Variants in CHPF2 observed in about 807,000 individuals in gnomAD.
CHPF2 encodes chondroitin polymerizing factor 2, also known as chondroitin polymerizing factor 2, non-catalytic subunit.
CHPF2 carries 58 observed loss-of-function variants against 63.0 expected under a neutral mutation model. The observed-to-expected ratio is 0.92, with a 90% CI of 0.75 to 1.15. The LOEUF (loss-of-function observed/expected upper bound fraction) is 1.15. Ranked by LOEUF, CHPF2 falls within the 50% of genes most tolerant of loss-of-function variation. The probability of loss-of-function intolerance (pLI) is 0.00; values close to 1 mark genes in which losing one functional copy is unlikely to be tolerated. For synonymous variants in CHPF2, 442 were observed against 438.0 expected (o/e 1.01, Z -0.11); for missense variants, 1,045 against 1,035.4 (o/e 1.01, Z -0.13).
At position 151,238,519 on chromosome 7, in the gene CHPF2, C is replaced by G; in HGVS notation, c.2157C>G (p.Ala719=). 1.2e-6 allele frequency: 2 copies of G among 1,604,848 alleles called. No individual in the cohort carries two copies. Among genetic ancestry groups the G allele is most frequent in the South Asian group, 1.1e-5 (1 of 90,058 alleles). The change falls in exon 4 of 4, where the codon GCC becomes GCG. Residue 719 remains alanine (A), a synonymous_variant. Coordinates refer to ENST00000035307, the MANE Select transcript of CHPF2 (RefSeq NM_019015.3). Reference sequence around the variant, plus strand: ...TCTCAGGGCTCCACCTCTTTCGGGCCGTAGAGCCAGGGCTGGTGCAGAAGT... The same window carrying G: ...TCTCAGGGCTCCACCTCTTTCGGGCGGTAGAGCCAGGGCTGGTGCAGAAGT... ...LRFSGLHLFR[A]VEPGLVQKFS...
At position 151,235,344 on chromosome 7, in the gene CHPF2, TGCAGGCCCCCC is replaced by T; in HGVS notation, c.563_573del (p.Gln188ProfsTer65). 1.2e-6 allele frequency: 2 copies of T among 1,613,902 alleles called. No individual in the cohort carries two copies. The highest frequency in any genetic ancestry group is 1.7e-6 in the Non-Finnish European group (2 of 1,180,030). On this transcript the variant is annotated frameshift_variant, in exon 2 of 4. Coordinates refer to ENST00000035307, the MANE Select transcript of CHPF2 (RefSeq NM_019015.3). LOFTEE classifies it high-confidence loss of function. ...TTCATCATGCAGGATGACACATATG[TGCAGGCCCCCC>T]GCCTGGCAGCCCTTGCTGGCCACCT...
rs908707532 is a variant in CHPF2, at chr7:151,234,417, G to GT, written c.263+149dup. On this transcript the variant is annotated intron_variant, in intron 1 of 3. Transcript: ENST00000035307. Reference sequence around the variant, plus strand: ...TTATTTTCCATCATGGTTTCTTTCTGTTTTTTCCCTCCTTCTCAGGTCTTA... The same window carrying GT: ...TTATTTTCCATCATGGTTTCTTTCTGTTTTTTTCCCTCCTTCTCAGGTCTTA... 92 of 560,568 alleles carry GT rather than the reference G, an allele frequency of 1.6e-4. No homozygotes were observed. In the East Asian group the frequency reaches 1.9e-3, roughly 11 times the overall value. 34.7% of individuals were successfully genotyped at this position (560,568 alleles called of 1,614,324 possible).
rs1802503948 is a variant in CHPF2 at position 151,232,684 on chromosome 7, C to T, written c.-1328C>T. 9.9e-6 allele frequency: 14 copies of T among 1,413,600 alleles called. No homozygotes were observed. In the South Asian group the frequency reaches 1.7e-4, roughly 17 times the overall value. The allele number at this position is 1,413,600 out of a possible 1,614,324, so 87.6% of individuals were successfully genotyped here. A position where few individuals can be genotyped will look rare whatever the true frequency, so the allele number is the denominator to read the frequency against. ...ACCCCGGCCGTCCTTTATCCGGTGT[C>T]CGCCGGCCCCCGGCCCTGAAACCCG... On this transcript the variant is annotated 5_prime_UTR_variant, in exon 1 of 4. Coordinates refer to ENST00000035307, the MANE Select transcript of CHPF2 (RefSeq NM_019015.3).
Position 151,235,389 on chromosome 7 carries a change from A to G in CHPF2, c.605A>G (p.Asn202Ser). 6.2e-7 allele frequency: 1 copy of G among 1,613,620 alleles called. No individual in the cohort carries two copies. The highest frequency in any genetic ancestry group is 2.2e-5 in the East Asian group (1 of 44,886). The change falls in exon 2 of 4, where the codon AAC (asparagine) becomes AGC (serine). Residue 202 changes from asparagine (N) to serine (S), a missense_variant. By Grantham distance (46) the Asn-to-Ser change is conservative (BLOSUM62 1). Coordinates refer to ENST00000035307, the MANE Select transcript of CHPF2 (RefSeq NM_019015.3). ...LAALAGHLSI[N>S]QDLYLGRAEE... is the part of the protein sequence containing the mutation. ...GCCCTTGCTGGCCACCTCAGCATCA[A>G]CCAAGACCTGTACTTAGGCCGGGCA...
rs1802560245 is a variant in CHPF2, at chr7:151,234,219, C to T, written c.208C>T (p.Pro70Ser). The change falls in exon 1 of 4, where the codon CCC (proline) becomes TCC (serine). Residue 70 changes from proline to serine, a missense_variant. Pro to Ser is a moderately conservative substitution (Grantham distance 74). Coordinates refer to ENST00000035307, the MANE Select transcript of CHPF2 (RefSeq NM_019015.3). ...RLDQSDEDFK[P>S]RIVPYYRDPN... ...AGACCAAAGTGATGAAGACTTCAAACCCCGGATTGTCCCCTACTACAGGGA... is the reference window on the plus strand; with the variant it reads ...AGACCAAAGTGATGAAGACTTCAAATCCCGGATTGTCCCCTACTACAGGGA... 1.2e-6 allele frequency: 2 copies of T among 1,611,890 alleles called. No individual in the cohort carries two copies. Among genetic ancestry groups the T allele is most frequent in the African/African-American group, 2.7e-5 (2 of 74,856 alleles).
In CHPF2 at chr7:151,237,533, C is replaced by T; in HGVS notation, c.1171C>T (p.Pro391Ser). 1 of 1,613,998 alleles carries T rather than the reference C, an allele frequency of 6.2e-7. No individual in the cohort carries two copies. The highest frequency in any genetic ancestry group is 8.5e-7 in the Non-Finnish European group (1 of 1,180,016). ...QHTFSCADGA[P>S]KCPLQGASRA... ...CACCTTCTCCTGTGCAGATGGGGCTCCCAAGTGCCCACTACAGGGGGCTAG... is the reference window on the plus strand; with the variant it reads ...CACCTTCTCCTGTGCAGATGGGGCTTCCAAGTGCCCACTACAGGGGGCTAG... The change falls in exon 4 of 4, where the codon CCC becomes TCC. Residue 391 changes from proline (P) to serine (S), a missense_variant. Transcript: ENST00000035307.
rs368760819 is a variant in CHPF2 at position 151,237,721 on chromosome 7, G to T, written c.1359G>T (p.Val453=). 5.6e-6 allele frequency: 9 copies of T among 1,612,740 alleles called. No homozygotes were observed. The African/African-American group carries it at 1.1e-4, about 19-fold the overall frequency. Residue 453 remains valine, a synonymous_variant, in exon 4 of 4, where the codon GTG becomes GTT. Transcript: ENST00000035307. ...CCCTGGACCTGCTGTTGGAATGTGTGACACAGCGTGGGCACCGGCGGGCCC... is the reference window on the plus strand; with the variant it reads ...CCCTGGACCTGCTGTTGGAATGTGTTACACAGCGTGGGCACCGGCGGGCCC... ...EYTLDLLLEC[V]TQRGHRRALA...
intron 2 of CHPF2, 63 bp downstream of exon 2, chr7:151,235,675 T>G: frequency 2.8e-6 from 4 of 1,439,830 alleles, no homozygotes; most frequent in Non-Finnish European, 3.8e-6. Flanking sequence ...GTGATTGGCC[T>G]TCCTCCCAGC....
chr7:151,234,087 C>T lies in CHPF2; in HGVS notation c.76C>T (p.Leu26=), dbSNP rs748246387. ...LILGLSLGCS[L]SLLRVSWIQG... is the part of the protein sequence containing the mutation. ...CTTAGGGCTGTCTCTGGGGTGCAGCCTGAGCCTCCTGCGGGTTTCCTGGAT... is the reference window on the plus strand; with the variant it reads ...CTTAGGGCTGTCTCTGGGGTGCAGCTTGAGCCTCCTGCGGGTTTCCTGGAT... The change falls in exon 1 of 4, where the codon CTG becomes TTG. Residue 26 remains leucine (L), a synonymous_variant. Transcript: ENST00000035307. 5 of 1,606,644 alleles carry T rather than the reference C, an allele frequency of 3.1e-6. No homozygotes were observed. Among genetic ancestry groups the T allele is most frequent in the Non-Finnish European group, 3.4e-6 (4 of 1,176,320 alleles).
rs183440149 is a variant in CHPF2 at position 151,233,563 on chromosome 7, G to T, written c.-449G>T. ...GAGGCAGGCTCCGGCTCCTCTGGTT[G>T]GGGCTGTTGTTTTGATGGATCGTGT... On this transcript the variant is annotated 5_prime_UTR_variant, in exon 1 of 4. Coordinates refer to ENST00000035307, the MANE Select transcript of CHPF2 (RefSeq NM_019015.3). The T allele has an allele frequency of 7.6e-4, 747 of 986,940 alleles. 3 individuals are homozygous for T. In the African/African-American group the frequency reaches 0.012, roughly 16 times the overall value. 61.1% of individuals were successfully genotyped at this position (986,940 alleles called of 1,614,324 possible).
At chr7:151,236,917 A>T (rs1252790217) in intron 3 of CHPF2, 1 of 536,498 alleles carries the variant, frequency 1.9e-6, no homozygotes, top group South Asian at 1.5e-5. Flanking sequence ...GTGCCTGTCC[A>T]CTGAGGAGGC....
rs770211338 is a variant in CHPF2 at position 151,237,549 on chromosome 7, A to T, written c.1187A>T (p.Gln396Leu). 8.1e-6 allele frequency: 13 copies of T among 1,613,794 alleles called. No individual in the cohort carries two copies. The African/African-American group carries it at 1.7e-4, about 22-fold the overall frequency. ...CADGAPKCPL[Q>L]GASRADVGDA... ...GATGGGGCTCCCAAGTGCCCACTAC[A>T]GGGGGCTAGCAGGGCGGACGTGGGT... Residue 396 changes from glutamine (Q) to leucine (L), a missense_variant, in exon 4 of 4, where the codon CAG becomes CTG. Physicochemically the swap from Gln to Leu is moderately radical, Grantham distance 113. Transcript: ENST00000035307.
At position 151,235,282 on chromosome 7, in the gene CHPF2, C is replaced by T; in HGVS notation, c.498C>T (p.His166=). 1 of 1,613,882 alleles carries T rather than the reference C, an allele frequency of 6.2e-7. No homozygotes were observed. Among genetic ancestry groups the T allele is most frequent in the Non-Finnish European group, 8.5e-7 (1 of 1,179,974 alleles). ...GGCTCATGTCAGAGACCCTGCGCCA[C>T]CTTCACACACACTTTGGGGCCGACT... is the stretch of plus-strand genomic sequence containing the variant. ...PAWLMSETLR[H]LHTHFGADYD... Residue 166 remains histidine, a synonymous_variant, in exon 2 of 4, where the codon CAC becomes CAT. Transcript: ENST00000035307.
Position 151,238,179 on chromosome 7 carries a change from G to C in CHPF2, c.1817G>C (p.Arg606Pro). 6.2e-7 allele frequency: 1 copy of C among 1,612,768 alleles called. No homozygotes were observed. The highest frequency in any genetic ancestry group is 8.5e-7 in the Non-Finnish European group (1 of 1,180,014). Residue 606 changes from arginine to proline, a missense_variant, in exon 4 of 4, where the codon CGC (arginine) becomes CCC (proline). Physicochemically the swap from Arg to Pro is moderately radical, Grantham distance 103. Transcript: ENST00000035307. ...AGGCCTGGGCCCGAAGTCCTCAACC[G>C]CTGTCGCATGAATGCCATCTCTGGC... Reference protein sequence around the residue: ...WTRPGPEVLNRCRMNAISGWQ... With the variant: ...WTRPGPEVLNPCRMNAISGWQ...
chr7:151,237,647 C>T lies in CHPF2; in HGVS notation c.1285C>T (p.Leu429=). 6.2e-7 allele frequency: 1 copy of T among 1,613,390 alleles called. No individual in the cohort carries two copies. Among genetic ancestry groups the T allele is most frequent in the South Asian group, 1.1e-5 (1 of 91,090 alleles). ...QPRLRFQKQR[L]LNGYRRFDPA... ...CCGCCTGCGCTTCCAGAAGCAGCGA[C>T]TGCTCAACGGCTATCGGCGCTTCGA... The change falls in exon 4 of 4, where the codon CTG becomes TTG. Residue 429 remains leucine (L), a synonymous_variant. Transcript: ENST00000035307.
In CHPF2 at chr7:151,233,497, G is replaced by T; in HGVS notation, c.-515G>T. ...CAGCCCCTTCAGTAGCCCGCCTGAG[G>T]ACCGATGCCAGAGGCAGGCATTCTT... On this transcript the variant is annotated 5_prime_UTR_variant, in exon 1 of 4. Transcript: ENST00000035307. The T allele has an allele frequency of 1.0e-6, 1 of 985,926 alleles. No homozygotes were observed. The allele number at this position is 985,926 out of a possible 1,614,324, so 61.1% of individuals were successfully genotyped here.
In CHPF2 at chr7:151,233,777, G is replaced by T; in HGVS notation, c.-235G>T. On this transcript the variant is annotated 5_prime_UTR_variant, in exon 1 of 4. Transcript: ENST00000035307. ...TGTTTCATTTATTACCGTTTTGGCT[G>T]GGGGTTAGTTCCGACACCTTCACAG... The T allele has an allele frequency of 8.1e-7, 1 of 1,228,784 alleles. No homozygotes were observed. Among genetic ancestry groups the T allele is most frequent in the Non-Finnish European group, 1.0e-6 (1 of 986,152 alleles). The allele number at this position is 1,228,784 out of a possible 1,614,324, so 76.1% of individuals were successfully genotyped here. A position where few individuals can be genotyped will look rare whatever the true frequency, so the allele number is the denominator to read the frequency against.
chr7:151,235,549 T>G lies in CHPF2; in HGVS notation c.765T>G (p.Pro255=). 6.2e-7 allele frequency: 1 copy of G among 1,610,976 alleles called. No individual in the cohort carries two copies. Among genetic ancestry groups the G allele is most frequent in the Non-Finnish European group, 8.5e-7 (1 of 1,180,010 alleles). Residue 255 remains proline (P), a synonymous_variant, in exon 2 of 4, where the codon CCT becomes CCG. Transcript: ENST00000035307. ...GCRGDILSAR[P]DEWLGRCLID... ...GAGGAGACATTCTCAGTGCCCGTCC[T>G]GACGAGTGGCTTGGACGCTGCCTCA...
Position 151,236,605 on chromosome 7 carries a change from A to G in CHPF2, c.1011+15A>G. 1 of 1,553,230 alleles carries G rather than the reference A, an allele frequency of 6.4e-7. No individual in the cohort carries two copies. The highest frequency in any genetic ancestry group is 8.7e-7 in the Non-Finnish European group (1 of 1,143,254). On this transcript the variant is annotated intron_variant, in intron 3 of 3. Transcript: ENST00000035307. ...AACAACTGCAGGTGAGCTGAAGAGG[A>G]GCAGGTGGGCAGAGGACCGCAGTCA...
Sources: allele counts gnomAD v4.1 joint callset, GRCh38; gene constraint gnomAD v4.1.1; transcripts MANE v1.5; gene names NCBI Gene and HGNC (gene_info 2026-07-23, HGNC 2026-07-21).